The following NEGR1 variants were observed in gnomAD, a reference collection of about 807,000 sequenced individuals.
NEGR1 encodes the protein neuronal growth regulator 1, also known as IgLON family member 4.
A neutral mutation model predicts 40.9 loss-of-function variants in NEGR1; 10 were observed. That is an observed-to-expected ratio of 0.24 (90% CI 0.15 to 0.42). NEGR1 has a LOEUF of 0.42. Among genes scored for constraint, NEGR1 ranks in the 10% least tolerant of loss-of-function variants. The pLI is 1.00. For synonymous variants in NEGR1, 185 were observed against 166.8 expected (o/e 1.11, Z -0.84); for missense variants, 352 against 438.9 (o/e 0.80, Z 1.77).
chr1:72,056,070 G>A (rs142608753), intron 1 of NEGR1, among the ~76,000 whole-genome samples: 2 of 151,096 alleles, frequency 1.3e-5, no homozygotes, highest in Admixed American at 1.3e-4. Context: ...TGGTAAATCA[G>A]TTAGCTCTCT....
At chr1:71,482,309 T>C (rs1569928068) in intron 6 of NEGR1, among the ~76,000 whole-genome samples, 1 of 151,776 alleles carries the variant, frequency 6.6e-6, no homozygotes, top group African/African-American at 2.4e-5. Flanking sequence ...ATGAGAAACA[T>C]CTAGCATGTA....
chr1:71,985,581 G>A (rs6696193), intron 1 of NEGR1, among the ~76,000 whole-genome samples: 19,157 of 151,976 alleles, frequency 0.13, 1,643 homozygotes, highest in East Asian at 0.43. Flanking sequence ...CAGTTTCTAG[G>A]GGAAAGAGGA....
intron 6 of NEGR1, among the ~76,000 whole-genome samples, chr1:71,585,218 T>A (rs1450363655): frequency 6.6e-6 from 1 of 152,188 alleles, no homozygotes; most frequent in Non-Finnish European, 1.5e-5. Context: ...AGTTTAACTT[T>A]AAAAAATAAC....
chr1:71,578,653 C>T (rs377163806), intron 6 of NEGR1, among the ~76,000 whole-genome samples: 243 of 152,134 alleles, frequency 1.6e-3, no homozygotes, highest in African/African-American at 5.5e-3. Context: ...CTTCTTGAAA[C>T]ATCCTGTATA....
chr1:72,080,896 T>C (rs1167497806), intron 1 of NEGR1, among the ~76,000 whole-genome samples: 1 of 152,084 alleles, frequency 6.6e-6, no homozygotes, highest in South Asian at 2.1e-4. Flanking sequence ...CTTGGTAGGC[T>C]CTAGCTCTTG....
chr1:71,969,077 C>T (rs1646235148), intron 1 of NEGR1, among the ~76,000 whole-genome samples: 1 of 151,754 alleles, frequency 6.6e-6, no homozygotes, highest in South Asian at 2.1e-4. Context: ...TGCAATGGTG[C>T]GATCTTGGCT....
chr1:71,864,277 G>T (rs1660048054), intron 2 of NEGR1, among the ~76,000 whole-genome samples: 1 of 152,114 alleles, frequency 6.6e-6, no homozygotes, highest in Non-Finnish European at 1.5e-5. Flanking sequence ...CAGGCATGCA[G>T]TTCTTGGTCA....
chr1:71,408,757 A>T (rs1335670191), intron 6 of NEGR1: 1 of 152,102 alleles, frequency 6.6e-6, no homozygotes, highest in Non-Finnish European at 1.5e-5. Flanking sequence ...ATTTCCTAGT[A>T]GAAATTGAAT....
At chr1:72,068,240 G>A (rs891875620) in intron 1 of NEGR1, among the ~76,000 whole-genome samples, 3 of 152,088 alleles carry the variant, frequency 2.0e-5, no homozygotes, top group African/African-American at 7.2e-5. Flanking sequence ...CTTGAATCAG[G>A]AAAACGAACT....
chr1:71,724,284 G>A lies in NEGR1; in HGVS notation c.536-26145C>T, dbSNP rs147238275. On this transcript the variant is annotated intron_variant, in intron 3 of 6. Coordinates refer to ENST00000357731, the MANE Select transcript of NEGR1 (RefSeq NM_173808.3). ...CATCCAGTGGATCACACCATACATC[G>A]TAGTTTTTATCTTAGGAAGTTCATT... Among the ~76,000 whole-genome samples the A allele has an allele frequency of 6.4e-3, 969 of 152,044 alleles. 12 individuals are homozygous for A. The highest frequency in any genetic ancestry group is 0.022 in the African/African-American group (923 of 41,478).
intron 1 of NEGR1, among the ~76,000 whole-genome samples, chr1:72,173,152 G>A (rs1202563174): frequency 2.0e-5 from 3 of 151,018 alleles, no homozygotes; most frequent in Admixed American, 6.6e-5. Context: ...GACTACAGGT[G>A]TGTGCCAGCA....
intron 6 of NEGR1, among the ~76,000 whole-genome samples, chr1:71,582,002 C>T (rs1443339537): frequency 6.6e-6 from 1 of 151,640 alleles, no homozygotes; most frequent in Non-Finnish European, 1.5e-5. Flanking sequence ...CTATGCCTGA[C>T]CTACACACAT....
intron 1 of NEGR1, among the ~76,000 whole-genome samples, chr1:72,109,140 T>G (rs1418626577): frequency 6.6e-6 from 1 of 151,648 alleles, no homozygotes; most frequent in African/African-American, 2.4e-5. Context: ...GTAGACAAAT[T>G]TCTCAATATG....
intron 1 of NEGR1, among the ~76,000 whole-genome samples, chr1:72,262,490 A>G (rs1224232266): frequency 2.0e-5 from 3 of 151,946 alleles, no homozygotes; most frequent in African/African-American, 7.2e-5. Context: ...TGTTTACCTG[A>G]CGTATATAAT....
intron 6 of NEGR1, among the ~76,000 whole-genome samples, chr1:71,497,525 A>C (rs564566120): frequency 4.1e-4 from 62 of 152,264 alleles, no homozygotes; most frequent in African/African-American, 1.4e-3. Flanking sequence ...TCAGATGAAT[A>C]AAGTATTTCC....
intron 2 of NEGR1, among the ~76,000 whole-genome samples, chr1:71,910,398 C>T (rs1661393266): frequency 6.6e-6 from 1 of 152,138 alleles, no homozygotes; most frequent in Non-Finnish European, 1.5e-5. Flanking sequence ...TACCAACAAC[C>T]CTCAAAGACA....
intron 1 of NEGR1, among the ~76,000 whole-genome samples, chr1:72,221,299 G>A (rs1654004910): frequency 6.6e-6 from 1 of 151,930 alleles, no homozygotes; most frequent in South Asian, 2.1e-4. Flanking sequence ...TTGATTACTG[G>A]AAAGCTCCTA....
chr1:71,779,540 T>A (rs965511578), intron 2 of NEGR1, among the ~76,000 whole-genome samples: 1 of 150,554 alleles, frequency 6.6e-6, no homozygotes, highest in African/African-American at 2.4e-5. Context: ...GGTTATTGAG[T>A]GCAGACTATT....
At chr1:72,279,262 T>A (rs1656164781) in intron 1 of NEGR1, among the ~76,000 whole-genome samples, 1 of 152,174 alleles carries the variant, frequency 6.6e-6, no homozygotes, top group Non-Finnish European at 1.5e-5. Context: ...TTGTTTTTCA[T>A]GATCCTCTTC....
Sources: gnomAD v4.1 joint callset for allele counts (sites outside exome capture counted in the v4.1 genomes callset) on GRCh38, gnomAD v4.1.1 for gene constraint, MANE v1.5 for transcripts, NCBI Gene and HGNC (gene_info 2026-07-23, HGNC 2026-07-21) for gene names.